RPRD2: variants seen among roughly 807,000 people sequenced by gnomAD.
RPRD2 encodes regulation of nuclear pre-mRNA domain containing 2.
In RPRD2, 12 loss-of-function variants were observed where a neutral mutation model predicts 104.4. The observed-to-expected ratio is 0.11, with a 90% CI of 0.07 to 0.19. RPRD2 has a LOEUF of 0.19. RPRD2 is among the 10% of genes least tolerant of loss of function. The probability of loss-of-function intolerance (pLI) is 1.00; values close to 1 mark genes in which losing one functional copy is unlikely to be tolerated. For synonymous variants in RPRD2, 714 were observed against 684.9 expected (o/e 1.04, Z -0.66); for missense variants, 1,543 against 1,790.1 (o/e 0.86, Z 2.49).
Position 150,402,067 on chromosome 1 carries a change from C to A in RPRD2, c.206-15529C>A, listed in dbSNP as rs1422317842. Among the ~76,000 whole-genome samples the A allele has an allele frequency of 4.0e-5, 6 of 151,316 alleles. No homozygotes were observed. The East Asian group carries it at 1.2e-3, about 29-fold the overall frequency. Reference sequence around the variant, plus strand: ...CTCTGCTTCCCGGGTTCAAGCAGTTCTCTGCCTCAGCCTCCCGAGTGGCTG... The same window carrying A: ...CTCTGCTTCCCGGGTTCAAGCAGTTATCTGCCTCAGCCTCCCGAGTGGCTG... On this transcript the variant is annotated intron_variant, in intron 1 of 10. Transcript: ENST00000369068.
At chr1:150,409,750 C>T (rs782713038) in intron 1 of RPRD2, among the ~76,000 whole-genome samples, 17 of 147,084 alleles carry the variant, frequency 1.2e-4, no homozygotes, top group Admixed American at 7.0e-5. Flanking sequence ...TGGGTTCAAG[C>T]GATTCAGCCT....
intron 3 of RPRD2, chr1:150,441,557 T>C (rs1666405940): frequency 4.1e-6 from 1 of 241,508 alleles, no homozygotes; most frequent in Non-Finnish European, 8.0e-6. Context: ...ATGACCGTCA[T>C]TTTACTAGAA....
intron 1 of RPRD2, among the ~76,000 whole-genome samples, chr1:150,398,431 C>T (rs1279036275): frequency 5.3e-5 from 8 of 152,026 alleles, no homozygotes; most frequent in African/African-American, 7.2e-5. Flanking sequence ...CTCCTGACCT[C>T]GTGATCTGCC....
At chr1:150,370,596 A>G (rs1376107423) in intron 1 of RPRD2, among the ~76,000 whole-genome samples, 5 of 111,472 alleles carry the variant, frequency 4.5e-5, no homozygotes, top group Admixed American at 4.1e-4. Context: ...TTTTTTTGAG[A>G]CATATTCTTG....
rs587713463 is a variant in RPRD2, at chr1:150,408,866, T to A, written c.206-8730T>A. 3 of 152,350 alleles carry A rather than the reference T, an allele frequency of 2.0e-5. No individual in the cohort carries two copies. The East Asian group carries it at 5.8e-4, about 29-fold the overall frequency. The allele number at this position is 152,350 out of a possible 1,614,324, so 9.4% of individuals were successfully genotyped here. A position where few individuals can be genotyped will look rare whatever the true frequency, so the allele number is the denominator to read the frequency against. On this transcript the variant is annotated intron_variant, in intron 1 of 10. Transcript: ENST00000369068. ...TCCTTTCTACAGCCTGTTTTGCAAA[T>A]GAAGACAGACCTAAGCTAATGAAAA...
At chr1:150,407,408 A>T (rs897376559) in intron 1 of RPRD2, among the ~76,000 whole-genome samples, 14 of 152,218 alleles carry the variant, frequency 9.2e-5, no homozygotes, top group Non-Finnish European at 2.1e-4. Flanking sequence ...AAAGAAATAA[A>T]ATTATAACAT....
chr1:150,460,100 A>G lies in RPRD2; in HGVS notation c.1194A>G (p.Val398=). 1 of 1,613,964 alleles carries G rather than the reference A, an allele frequency of 6.2e-7. No individual in the cohort carries two copies. The highest frequency in any genetic ancestry group is 8.5e-7 in the Non-Finnish European group (1 of 1,179,830). The part of the protein sequence containing the change: ...RKEKPAEKSA[V]STSVPTKPTE... ...AAAAACCTGCAGAGAAGTCAGCTGTATCCACTTCTGTACCTACAAAGCCAA... is the reference window on the plus strand; with the variant it reads ...AAAAACCTGCAGAGAAGTCAGCTGTGTCCACTTCTGTACCTACAAAGCCAA... The change falls in exon 9 of 11, where the codon GTA becomes GTG. Residue 398 remains valine, a synonymous_variant. Coordinates refer to ENST00000369068, the MANE Select transcript of RPRD2 (RefSeq NM_015203.5).
At chr1:150,378,011 A>G (rs1175664982) in intron 1 of RPRD2, among the ~76,000 whole-genome samples, 2 of 152,178 alleles carry the variant, frequency 1.3e-5, no homozygotes, top group African/African-American at 2.4e-5. Flanking sequence ...ATTTTGTTTT[A>G]TATAAGCAGA....
intron 1 of RPRD2, among the ~76,000 whole-genome samples, chr1:150,383,743 G>A (rs1661331849): frequency 6.6e-6 from 1 of 152,178 alleles, no homozygotes; most frequent in African/African-American, 2.4e-5. Context: ...TAATAGAAAA[G>A]TGAAGAGCTT....
chr1:150,389,901 A>G (rs1244093371), intron 1 of RPRD2, among the ~76,000 whole-genome samples: 1 of 152,240 alleles, frequency 6.6e-6, no homozygotes, highest in East Asian at 1.9e-4. Flanking sequence ...AAACGCTCAC[A>G]TCAGCACTAA....
At position 150,475,357 on chromosome 1, in the gene RPRD2, C is replaced by A. The variant is rs1668842070; in HGVS notation, c.*2023C>A. 1 of 152,126 alleles carries A rather than the reference C, an allele frequency of 6.6e-6. No homozygotes were observed. Among genetic ancestry groups the A allele is most frequent in the African/African-American group, 2.4e-5 (1 of 41,368 alleles). 9.4% of individuals were successfully genotyped at this position (152,126 alleles called of 1,614,324 possible). A position where few individuals can be genotyped will look rare whatever the true frequency, so the allele number is the denominator to read the frequency against. ...ATTCTAGAATAAAAGAATGTGAATT[C>A]TCTTTGCTGCTCTTGTTTAAGCTAA... On this transcript the variant is annotated 3_prime_UTR_variant, in exon 11 of 11. Transcript: ENST00000369068.
chr1:150,460,699 AG>A (rs587760300), intron 9 of RPRD2, among the ~76,000 whole-genome samples: 216 of 147,744 alleles, frequency 1.5e-3, no homozygotes, highest in African/African-American at 5.2e-3. Flanking sequence ...CACCGTGCCC[AG>A]TCTGTTGTTG....
chr1:150,450,389 G>A (rs944434600), intron 7 of RPRD2, among the ~76,000 whole-genome samples: 2 of 151,742 alleles, frequency 1.3e-5, no homozygotes, highest in South Asian at 2.1e-4. Flanking sequence ...GGTGGATCAC[G>A]AGGTCAGGAG....
Position 150,418,470 on chromosome 1 carries a change from A to C in RPRD2, c.335+745A>C, listed in dbSNP as rs587682619. On this transcript the variant is annotated intron_variant, in intron 2 of 10. Transcript: ENST00000369068. ...TTTTTTTCCCTCCATGAAATCTGTA[A>C]AGAGAAACGGAAATTATTTCCCACC... Among the ~76,000 whole-genome samples, 6 of 152,242 alleles carry C rather than the reference A, an allele frequency of 3.9e-5. No homozygotes were observed. In the East Asian group the frequency reaches 1.2e-3, roughly 29 times the overall value.
intron 1 of RPRD2, among the ~76,000 whole-genome samples, chr1:150,365,626 G>A (rs1659779435): frequency 6.6e-6 from 1 of 151,994 alleles, no homozygotes; most frequent in Non-Finnish European, 1.5e-5. Flanking sequence ...TTTTGCTCTT[G>A]TCGCCCAGGC....
At position 150,446,409 on chromosome 1, in the gene RPRD2, A is replaced by G. The variant is rs1666774090; in HGVS notation, c.870+8A>G. ...GTAAAAGTGGTGGCTAATGTAAGTA[A>G]TAATTAAAGCTGTCTTATACTGAAT... On this transcript the variant is annotated splice_region_variant and intron_variant, in intron 7 of 10. Transcript: ENST00000369068. 6.3e-7 allele frequency: 1 copy of G among 1,580,488 alleles called. No individual in the cohort carries two copies. The highest frequency in any genetic ancestry group is 8.6e-7 in the Non-Finnish European group (1 of 1,166,934).
In RPRD2 at chr1:150,441,910, A is replaced by C; in HGVS notation, c.466A>C (p.Lys156Gln). 2 of 1,613,268 alleles carry C rather than the reference A, an allele frequency of 1.2e-6. No individual in the cohort carries two copies. The highest frequency in any genetic ancestry group is 1.7e-6 in the Non-Finnish European group (2 of 1,179,634). ...STTFKTQKQL[K>Q]ENLNKQPNKQ... ...CACTTTCAAAACTCAGAAGCAGCTG[A>C]AAGAAAATCTGAACAAACAACCGAA... The change falls in exon 4 of 11, where the codon AAA (lysine) becomes CAA (glutamine). Residue 156 changes from lysine to glutamine, a missense_variant. This residue lies in a region of RPRD2 where 572 missense variants were observed against 787.3 expected (regional missense o/e 0.73). Transcript: ENST00000369068.
intron 2 of RPRD2, among the ~76,000 whole-genome samples, chr1:150,430,457 C>T (rs1665477615): frequency 6.6e-6 from 1 of 151,938 alleles, no homozygotes; most frequent in Non-Finnish European, 1.5e-5. Context: ...CACTTGAGCC[C>T]AGGAGTTCAA....
chr1:150,373,256 C>T (rs587757696), intron 1 of RPRD2, among the ~76,000 whole-genome samples: 9 of 152,162 alleles, frequency 5.9e-5, no homozygotes, highest in South Asian at 2.1e-4. Context: ...TCAAGTGATC[C>T]GCCCGCCTCA....
Sources: gnomAD v4.1 joint callset for allele counts (sites outside exome capture counted in the v4.1 genomes callset) on GRCh38, gnomAD v4.1.1 for gene constraint, gnomAD v4.1.1 regional missense constraint, MANE v1.5 for transcripts, NCBI Gene and HGNC (gene_info 2026-07-23, HGNC 2026-07-21) for gene names.